ESYT3: variants seen among roughly 807,000 people sequenced by gnomAD.
The protein encoded by ESYT3 is extended synaptotagmin 3.
Under a neutral mutation model 111.5 loss-of-function variants are expected in ESYT3, and 101 were observed. That is an observed-to-expected ratio of 0.91 (90% CI 0.77 to 1.07). ESYT3 has a LOEUF of 1.07. Among genes scored for constraint, ESYT3 ranks in the 50% least tolerant of loss-of-function variants. ESYT3 has a pLI of 0.00. For synonymous variants in ESYT3, 416 were observed against 446.8 expected (o/e 0.93, Z 0.87); for missense variants, 1,097 against 1,109.4 (o/e 0.99, Z 0.16).
At chr3:138,475,117 A>G (rs778465192) in intron 20 of ESYT3, among the ~76,000 whole-genome samples, 1 of 152,226 alleles carries the variant, frequency 6.6e-6, no homozygotes, top group Non-Finnish European at 1.5e-5. Flanking sequence ...AGTATCAAGA[A>G]AAGGGTATGA....
rs548635544 is a variant in ESYT3, at chr3:138,445,391, G to A, written c.328-6657G>A. Among the ~76,000 whole-genome samples, 25 of 152,360 alleles carry A rather than the reference G, an allele frequency of 1.6e-4. 1 individual carries two copies. The South Asian group carries it at 5.0e-3, about 30-fold the overall frequency. ...TATGCAGTTGCCCCCATTGGGCAGA[G>A]TTTCACATGGGCGCCTGACAGGCAT... On this transcript the variant is annotated intron_variant, in intron 1 of 22. Transcript: ENST00000389567.
In ESYT3 at chr3:138,440,074, T is replaced by C. The variant is rs932828588; in HGVS notation, c.327+4949T>C. 6.6e-6 allele frequency among the ~76,000 whole-genome samples: 1 copy of C among 152,228 alleles called. No homozygotes were observed. Among genetic ancestry groups the C allele is most frequent in the Non-Finnish European group, 1.5e-5 (1 of 68,038 alleles). ...AGATGTTCTATAGAGTCTTCATAGC[T>C]GTAGGGTCTGCCATCATTAACCAGT... On this transcript the variant is annotated intron_variant, in intron 1 of 22. Transcript: ENST00000389567. This position sits in a 1 kb window ranked among gnomAD's most constrained non-coding sequence, Gnocchi z 4.2.
At chr3:138,436,819 C>T (rs192667623) in intron 1 of ESYT3, among the ~76,000 whole-genome samples, 3 of 152,304 alleles carry the variant, frequency 2.0e-5, no homozygotes, top group Admixed American at 6.5e-5. Context: ...GGTGGGCCTG[C>T]GAGTCTTCAC....
intron 18 of ESYT3, 124 bp from the exon 19 acceptor site, chr3:138,473,412 C>T: frequency 4.9e-6 from 4 of 812,144 alleles, no homozygotes; most frequent in Non-Finnish European, 7.8e-6. Context: ...AGTAAACTCA[C>T]TGTGAATTAT....
At chr3:138,459,082 G>T in intron 4 of ESYT3, 105 bp from the exon 5 acceptor site, 1 of 860,600 alleles carries the variant, frequency 1.2e-6, no homozygotes, top group Non-Finnish European at 1.8e-6. Context: ...GTCGGCAACT[G>T]GCTGCCTGGG....
chr3:138,447,107 G>T (rs1234143639), intron 1 of ESYT3, among the ~76,000 whole-genome samples: 4 of 152,172 alleles, frequency 2.6e-5, no homozygotes. Flanking sequence ...CAACCGACAT[G>T]AGGAAGTAGA....
At position 138,469,439 on chromosome 3, in the gene ESYT3, A is replaced by G; in HGVS notation, c.1438A>G (p.Lys480Glu). 1.9e-6 allele frequency: 3 copies of G among 1,613,744 alleles called. No homozygotes were observed. Among genetic ancestry groups the G allele is most frequent in the South Asian group, 2.2e-5 (2 of 91,056 alleles). Residue 480 changes from lysine (K) to glutamate (E), a missense_variant, in exon 15 of 23, where the codon AAG becomes GAG. Coordinates refer to ENST00000389567, the MANE Select transcript of ESYT3 (RefSeq NM_031913.5). ...AKKLSRFARNKVSKDPSSYVK... is the reference protein window; with the variant it reads ...AKKLSRFARNEVSKDPSSYVK... ...TTATGGATTTGATTCCTCACAGAACAAGGTCAGCAAAGACCCTTCTTCCTA... is the reference window on the plus strand; with the variant it reads ...TTATGGATTTGATTCCTCACAGAACGAGGTCAGCAAAGACCCTTCTTCCTA...
chr3:138,470,555 G>C, intron 16 of ESYT3: 1 of 1,156,208 alleles, frequency 8.6e-7, no homozygotes, highest in Non-Finnish European at 1.1e-6. Context: ...CCAACAAGTG[G>C]TGGAGCTGGG....
intron 18 of ESYT3, 136 bp from the exon 19 acceptor site, chr3:138,473,400 A>C (rs1157945862): frequency 1.5e-5 from 12 of 778,328 alleles, no homozygotes; most frequent in Middle Eastern, 3.2e-4. Flanking sequence ...ATTCCATCTG[A>C]AAGTAAACTC....
chr3:138,470,311 G>T, intron 16 of ESYT3, 165 bp downstream of exon 16: 2 of 1,353,784 alleles, frequency 1.5e-6, no homozygotes, highest in South Asian at 3.1e-5. Flanking sequence ...ATCTCCTTAA[G>T]GCTAGTGCCT....
chr3:138,471,139 G>T, intron 17 of ESYT3, 113 bp downstream of exon 17: 1 of 827,334 alleles, frequency 1.2e-6, no homozygotes, highest in Non-Finnish European at 1.9e-6. Flanking sequence ...GCCAGGAGAT[G>T]GATTCATGTT....
intron 10 of ESYT3, among the ~76,000 whole-genome samples, chr3:138,466,589 T>C (rs547582155): frequency 2.4e-4 from 37 of 152,346 alleles, no homozygotes; most frequent in African/African-American, 8.2e-4. Flanking sequence ...TACAGTTATA[T>C]AGAATTACAT....
chr3:138,449,994 C>T (rs2031818859), intron 1 of ESYT3, among the ~76,000 whole-genome samples: 1 of 152,146 alleles, frequency 6.6e-6, no homozygotes, highest in Admixed American at 6.5e-5. Context: ...GTATCAAATG[C>T]TGCAATGGAG....
rs2033549499 is a variant in ESYT3 at position 138,477,665 on chromosome 3, A to T, written c.*811A>T. The T allele has an allele frequency of 6.6e-6, 1 of 152,246 alleles. No individual in the cohort carries two copies. Among genetic ancestry groups the T allele is most frequent in the Admixed American group, 6.5e-5 (1 of 15,286 alleles). The allele number at this position is 152,246 out of a possible 1,614,324, so 9.4% of individuals were successfully genotyped here. On this transcript the variant is annotated 3_prime_UTR_variant, in exon 23 of 23. Transcript: ENST00000389567. ...TCAGAGAAAAGGAAGCTTTCAGATA[A>T]GTTTAGGCTATTCAACTTTTCTAAA...
chr3:138,451,603 C>T (rs539864914), intron 1 of ESYT3, among the ~76,000 whole-genome samples: 1 of 152,288 alleles, frequency 6.6e-6, no homozygotes, highest in East Asian at 1.9e-4. Context: ...GATTTACTTG[C>T]GTGTGCAAAC....
chr3:138,465,833 G>A (rs888955298), intron 10 of ESYT3, among the ~76,000 whole-genome samples: 1 of 152,144 alleles, frequency 6.6e-6, no homozygotes, highest in Non-Finnish European at 1.5e-5. Flanking sequence ...AAATGATCAG[G>A]GTGGGGCTGG....
At position 138,462,179 on chromosome 3, in the gene ESYT3, G is replaced by A. The variant is rs1484585173; in HGVS notation, c.888G>A (p.Leu296=). Residue 296 remains leucine, a synonymous_variant, in exon 8 of 23, where the codon CTG becomes CTA. Transcript: ENST00000389567. ...TGCCTGTGAAGAAGGGGCTGGATCTGACCAACCTGCGCTTCCCTCTGCCCT... is the reference window on the plus strand; with the variant it reads ...TGCCTGTGAAGAAGGGGCTGGATCTAACCAACCTGCGCTTCCCTCTGCCCT... ...VTVPVKKGLD[L]TNLRFPLPCG... 6.2e-7 allele frequency: 1 copy of A among 1,614,206 alleles called. No individual in the cohort carries two copies. The highest frequency in any genetic ancestry group is 1.7e-4 in the Middle Eastern group (1 of 6,056).
chr3:138,443,717 C>T (rs2108594814), intron 1 of ESYT3, among the ~76,000 whole-genome samples: 1 of 132,266 alleles, frequency 7.6e-6, no homozygotes, highest in Non-Finnish European at 1.6e-5. Context: ...TGTGTGTCCA[C>T]ACATCTGTGT....
intron 1 of ESYT3, among the ~76,000 whole-genome samples, chr3:138,449,792 G>A (rs1344256637): frequency 1.3e-5 from 2 of 152,206 alleles, no homozygotes; most frequent in Non-Finnish European, 2.9e-5. Flanking sequence ...CTGTATTAGA[G>A]TGATCTGTTA....
Sources: gnomAD v4.1 joint callset for allele counts (sites outside exome capture counted in the v4.1 genomes callset) on GRCh38, gnomAD v4.1.1 for gene constraint, Gnocchi (gnomAD v3.1) non-coding constraint, MANE v1.5 for transcripts, NCBI Gene and HGNC (gene_info 2026-07-23, HGNC 2026-07-21) for gene names.